ZNF665: variants seen among roughly 807,000 people sequenced by gnomAD.
The protein encoded by ZNF665 is zinc finger protein 665.
ZNF665 carries 6 observed loss-of-function variants against 7.9 expected under a neutral mutation model. The observed-to-expected ratio is 0.76, with a 90% CI of 0.42 to 1.50. The LOEUF (loss-of-function observed/expected upper bound fraction) is 1.50. Ranked by LOEUF, ZNF665 falls within the 40% of genes most tolerant of loss-of-function variation. ZNF665 has a pLI of 0.01. For missense variants in ZNF665, 819 were observed against 806.7 expected, an observed-to-expected ratio of 1.02 and a Z score of -0.18; for synonymous variants, 242 against 274.5, an observed-to-expected ratio of 0.88 and a Z score of 1.17.
chr19:53,191,772 A>C (rs1205025160), intron 1 of ZNF665: 1 of 152,234 alleles, frequency 6.6e-6, no homozygotes, highest in Non-Finnish European at 1.5e-5. Context: ...TGAACCCAGG[A>C]GGCGGAGTTA....
At chr19:53,190,087 G>A (rs1049597729) in intron 1 of ZNF665, 2 of 152,276 alleles carry the variant, frequency 1.3e-5, no homozygotes, top group African/African-American at 4.8e-5. Flanking sequence ...AATGATTAAT[G>A]ATATTCATAT....
intron 3 of ZNF665, among the ~76,000 whole-genome samples, chr19:53,174,248 G>A (rs1023359184): frequency 1.3e-5 from 2 of 152,106 alleles, no homozygotes; most frequent in African/African-American, 4.8e-5. Context: ...CTTTTGAAAG[G>A]GACTAAGAGT....
At chr19:53,183,563 G>A (rs1313893249) in intron 1 of ZNF665, among the ~76,000 whole-genome samples, 1 of 151,278 alleles carries the variant, frequency 6.6e-6, no homozygotes, top group Non-Finnish European at 1.5e-5. Context: ...TTGTCATCAG[G>A]ATCCAGACAG....
chr19:53,164,680 C>T lies in ZNF665; in HGVS notation c.1810G>A (p.Gly604Ser). The change falls in exon 4 of 4, where the codon GGC becomes AGC. Residue 604 changes from glycine (G) to serine (S), a missense_variant. Physicochemically the swap from Gly to Ser is moderately conservative, Grantham distance 56. Transcript: ENST00000396424. ...GEKPYKCNEC[G>S]KVFTQNSHLA... ...TGTGAATTTTGAGTGAAGACCTTGC[C>T]ACATTCATTACATTTGTAAGGTTTT... 1.9e-6 allele frequency: 3 copies of T among 1,612,748 alleles called. No individual in the cohort carries two copies. The highest frequency in any genetic ancestry group is 1.7e-6 in the Non-Finnish European group (2 of 1,178,922).
rs1470107939 is a variant in ZNF665, at chr19:53,165,255, G to A, written c.1235C>T (p.Thr412Ile). The A allele has an allele frequency of 6.2e-7, 1 of 1,613,928 alleles. No homozygotes were observed. Among genetic ancestry groups the A allele is most frequent in the South Asian group, 1.1e-5 (1 of 91,072 alleles). ...FKCNECVKVF[T>I]QYSHLANHRR... ...ATGATTTGCTAAGTGTGAATACTGAGTGAAAACCTTGACGCATTCATTACA... is the reference window on the plus strand; with the variant it reads ...ATGATTTGCTAAGTGTGAATACTGAATGAAAACCTTGACGCATTCATTACA... Residue 412 changes from threonine to isoleucine, a missense_variant, in exon 4 of 4, where the codon ACT becomes ATT. Physicochemically the swap from Thr to Ile is moderately conservative, Grantham distance 89 (BLOSUM62 -1). Transcript: ENST00000396424.
At chr19:53,191,062 A>G (rs2090813274) in intron 1 of ZNF665, among the ~76,000 whole-genome samples, 1 of 139,508 alleles carries the variant, frequency 7.2e-6, no homozygotes, top group Non-Finnish European at 1.5e-5. Context: ...TTTATACTCA[A>G]TGGATCCGAA....
intron 1 of ZNF665, among the ~76,000 whole-genome samples, chr19:53,183,378 C>A (rs969766583): frequency 6.6e-6 from 1 of 152,168 alleles, no homozygotes; most frequent in Non-Finnish European, 1.5e-5. Flanking sequence ...AATAACAGAA[C>A]AGAACAAATC....
rs1465812557 is a variant in ZNF665 at position 53,182,373 on chromosome 19, CA to C, written c.15+510del. The C allele has an allele frequency of 8.9e-5, 29 of 326,234 alleles. No homozygotes were observed. In the Admixed American group the frequency reaches 1.2e-3, roughly 13 times the overall value. The allele number at this position is 326,234 out of a possible 1,614,324, so 20.2% of individuals were successfully genotyped here. ...GCGACAGAGCGAGACTCTGTCTCAA[CA>C]AAAACAACAAAAAAAAGGAGTTTGG... On this transcript the variant is annotated intron_variant, in intron 2 of 3. Transcript: ENST00000396424.
chr19:53,167,919 T>G (rs1666549927), intron 3 of ZNF665, among the ~76,000 whole-genome samples: 1 of 147,210 alleles, frequency 6.8e-6, no homozygotes, highest in Non-Finnish European at 1.5e-5. Context: ...CGCCATGCGT[T>G]GTGGCGGGCG....
intron 1 of ZNF665, among the ~76,000 whole-genome samples, chr19:53,184,615 G>C (rs535835731): frequency 7.9e-4 from 120 of 152,288 alleles, no homozygotes; most frequent in Non-Finnish European, 1.2e-3. Flanking sequence ...TGATAAGGAA[G>C]GGCATGGGTT....
At chr19:53,185,740 G>C (rs569793234) in intron 1 of ZNF665, among the ~76,000 whole-genome samples, 2 of 151,664 alleles carry the variant, frequency 1.3e-5, no homozygotes, top group African/African-American at 2.4e-5. Flanking sequence ...TGATCAGCGA[G>C]GTATCAAAAA....
intron 3 of ZNF665, among the ~76,000 whole-genome samples, chr19:53,172,192 T>TA (rs2090663403): frequency 6.6e-6 from 1 of 152,230 alleles, no homozygotes; most frequent in African/African-American, 2.4e-5. Flanking sequence ...GAAATGTCTT[T>TA]AAAAATTTCC....
chr19:53,174,463 G>T (rs1458604724), intron 3 of ZNF665, among the ~76,000 whole-genome samples: 6 of 152,078 alleles, frequency 3.9e-5, no homozygotes, highest in Non-Finnish European at 7.4e-5. Flanking sequence ...CCATTTGCAG[G>T]GTGTTTCTCA....
chr19:53,190,280 T>C (rs888784764), intron 1 of ZNF665: 1 of 152,224 alleles, frequency 6.6e-6, no homozygotes, highest in African/African-American at 2.4e-5. Flanking sequence ...TTGCAGGCCT[T>C]AAGACAGGTG....
intron 2 of ZNF665, among the ~76,000 whole-genome samples, chr19:53,176,831 T>G (rs2090701931): frequency 6.6e-6 from 1 of 152,244 alleles, no homozygotes; most frequent in East Asian, 1.9e-4. Flanking sequence ...TAGAAGAAAC[T>G]GAATCTGGCT....
intron 3 of ZNF665, among the ~76,000 whole-genome samples, chr19:53,170,800 A>C (rs772766212): frequency 2.0e-5 from 3 of 152,196 alleles, no homozygotes; most frequent in Non-Finnish European, 4.4e-5. Flanking sequence ...TGGACAATGT[A>C]GGGGTTAAGA....
Position 53,164,430 on chromosome 19 carries a change from G to A in ZNF665, c.*23C>T, listed in dbSNP as rs751163511. ...TGGGATTACAGGCGTGAGCCACCAC[G>A]CCCGGCGTCCTTTGTAAGGTTTCTA... On this transcript the variant is annotated 3_prime_UTR_variant, in exon 4 of 4. Coordinates refer to ENST00000396424, the MANE Select transcript of ZNF665 (RefSeq NM_024733.5). The A allele has an allele frequency of 2.6e-5, 39 of 1,524,976 alleles. No individual in the cohort carries two copies. The highest frequency in any genetic ancestry group is 4.3e-5 in the Admixed American group (2 of 46,652). The allele number at this position is 1,524,976 out of a possible 1,614,324, so 94.5% of individuals were successfully genotyped here.
intron 2 of ZNF665, among the ~76,000 whole-genome samples, chr19:53,175,967 C>T (rs1002043149): frequency 3.3e-5 from 5 of 152,096 alleles, no homozygotes; most frequent in Admixed American, 6.6e-5. Context: ...TTGAGACAAG[C>T]CTGGCCAACA....
intron 1 of ZNF665, among the ~76,000 whole-genome samples, chr19:53,183,309 G>A (rs372678739): frequency 6.6e-6 from 1 of 152,160 alleles, no homozygotes; most frequent in African/African-American, 2.4e-5. Context: ...GTGAGTCATA[G>A]GCTGATCTCA....
Sources: gnomAD v4.1 joint callset for allele counts (sites outside exome capture counted in the v4.1 genomes callset) on GRCh38, gnomAD v4.1.1 for gene constraint, MANE v1.5 for transcripts, NCBI Gene and HGNC (gene_info 2026-07-23, HGNC 2026-07-21) for gene names.